SP140: variants seen among roughly 807,000 people sequenced by gnomAD.
SP140 encodes the protein nuclear body protein SP140.
In SP140, 81 loss-of-function variants were observed where a neutral mutation model predicts 125.0. That is an observed-to-expected ratio of 0.65 (90% CI 0.54 to 0.78). The LOEUF (loss-of-function observed/expected upper bound fraction) is 0.78, where lower values mean the gene tolerates loss of function less well. Among genes scored for constraint, SP140 ranks in the 30% least tolerant of loss-of-function variants. The probability of loss-of-function intolerance (pLI) is 0.00; values close to 1 mark genes in which losing one functional copy is unlikely to be tolerated. For missense variants in SP140, 858 were observed against 1,037.0 expected (o/e 0.83, Z 2.37); for synonymous variants, 312 against 354.0 (o/e 0.88, Z 1.33).
chr2:230,222,579 T>C (rs1320684290), upstream of SP140, among the ~76,000 whole-genome samples: 1 of 151,938 alleles, frequency 6.6e-6, no homozygotes, highest in Non-Finnish European at 1.5e-5. Flanking sequence ...TTTAAATTAA[T>C]TGGGCATGTT....
intron 3 of SP140, chr2:230,238,898 TTGG>T: frequency 6.5e-7 from 1 of 1,550,208 alleles, no homozygotes; most frequent in East Asian, 2.4e-5. Context: ...GAAAAGGGGG[TTGG>T]TGGGGGCCTT....
chr2:230,290,413 A>T (rs370668913), intron 18 of SP140, 47 bp from the exon 19 acceptor site: 280 of 1,542,524 alleles, frequency 1.8e-4, no homozygotes, highest in Non-Finnish European at 2.3e-4. Context: ...GGGAGGGGGG[A>T]CGTGCCTTTG....
rs144921207 is a variant in SP140 at position 230,235,340 on chromosome 2, T to C, written c.60-1743T>C. 7.2e-5 allele frequency among the ~76,000 whole-genome samples: 11 copies of C among 152,286 alleles called. No individual in the cohort carries two copies. In the East Asian group the frequency reaches 1.2e-3, roughly 16 times the overall value. On this transcript the variant is annotated intron_variant, in intron 1 of 26. Transcript: ENST00000392045. ...GTACCCCTCAGACCACTTTTTCTCT[T>C]TCATACTTAGGTTAAAATTTCTCAT...
upstream of SP140, among the ~76,000 whole-genome samples, chr2:230,222,135 C>T (rs2045874308): frequency 6.6e-6 from 1 of 150,870 alleles, no homozygotes; most frequent in Admixed American, 6.6e-5. Flanking sequence ...GAGGCTGAGG[C>T]ATGAGAATCG....
At chr2:230,314,433 G>T (rs189015506), downstream of SP140, among the ~76,000 whole-genome samples, 845 of 152,328 alleles carry the variant, frequency 5.5e-3, 4 homozygotes, top group Non-Finnish European at 9.0e-3. Context: ...AGTGGATCCT[G>T]GTCCAGGAAG....
intron 3 of SP140, chr2:230,238,959 A>C (rs2048351887): frequency 2.6e-6 from 4 of 1,526,380 alleles, no homozygotes; most frequent in Non-Finnish European, 3.5e-6. Flanking sequence ...AGGGTGTGAG[A>C]GCTGACTCTG....
chr2:230,251,498 G>A (rs1215479084), intron 10 of SP140, among the ~76,000 whole-genome samples: 1 of 152,064 alleles, frequency 6.6e-6, no homozygotes, highest in African/African-American at 2.4e-5. Context: ...TATGCTAGGA[G>A]GAAAAAATGC....
chr2:230,305,647 G>A (rs1322731894), intron 22 of SP140, among the ~76,000 whole-genome samples: 2 of 152,232 alleles, frequency 1.3e-5, no homozygotes, highest in African/African-American at 4.8e-5. Flanking sequence ...GTGGTGGTTC[G>A]GCACTTGCAC....
the SP140 span, among the ~76,000 whole-genome samples, chr2:230,190,838 G>A: frequency 2.5e-3 from 387 of 152,252 alleles, 1 homozygote; most frequent in African/African-American, 8.6e-3. Flanking sequence ...GCTTGTTTTT[G>A]TCAGGTTTGT....
chr2:230,217,245 C>CAAAAAAAAA (rs6147220), intron 3 of SP140, among the ~76,000 whole-genome samples: 4 of 79,784 alleles, frequency 5.0e-5, no homozygotes, highest in African/African-American at 9.9e-5. Flanking sequence ...GACTCCATCT[C>CAAAAAAAAA]AAAAAAAAAA....
rs201022800 is a variant in SP140, at chr2:230,255,545, G to T, written c.1240+13G>T. The T allele has an allele frequency of 1.2e-6, 2 of 1,611,288 alleles. No individual in the cohort carries two copies. Among genetic ancestry groups the T allele is most frequent in the Non-Finnish European group, 1.7e-6 (2 of 1,179,082 alleles). ...AGACGTGGGTCAGGTAAGGACGGGG[G>T]GGGGGATTTCTGGCCCTGGGCTGCA... On this transcript the variant is annotated intron_variant, in intron 12 of 26. Coordinates refer to ENST00000392045, the MANE Select transcript of SP140 (RefSeq NM_007237.5).
At chr2:230,300,230 C>T (rs1052218655) in intron 22 of SP140, among the ~76,000 whole-genome samples, 4 of 152,220 alleles carry the variant, frequency 2.6e-5, no homozygotes, top group South Asian at 2.1e-4. Context: ...ACGAGAACCA[C>T]CTTGCTCCAG....
At chr2:230,232,759 T>C (rs766947346) in intron 1 of SP140, among the ~76,000 whole-genome samples, 4 of 152,248 alleles carry the variant, frequency 2.6e-5, no homozygotes, top group Non-Finnish European at 5.9e-5. Context: ...TTTGCCAGTT[T>C]TTAAAACTTA....
intron 12 of SP140, among the ~76,000 whole-genome samples, chr2:230,268,543 A>G (rs2053476599): frequency 6.6e-6 from 1 of 152,040 alleles, no homozygotes; most frequent in African/African-American, 2.4e-5. Flanking sequence ...AAAAAAAGAC[A>G]AAAGAAAGGT....
chr2:230,270,444 T>G, intron 14 of SP140, 142 bp from the exon 15 acceptor site: 1 of 862,728 alleles, frequency 1.2e-6, no homozygotes, highest in Non-Finnish European at 1.8e-6. Flanking sequence ...TTCGGTGGGT[T>G]TTTGGTTCCC....
At chr2:230,200,153 A>C (rs1020347831), upstream of SP140, among the ~76,000 whole-genome samples, 4 of 152,224 alleles carry the variant, frequency 2.6e-5, no homozygotes, top group African/African-American at 9.6e-5. Flanking sequence ...GGTAAAATTT[A>C]ATCCATTTTT....
intron 12 of SP140, among the ~76,000 whole-genome samples, chr2:230,256,950 G>A (rs891269265): frequency 2.0e-5 from 3 of 152,162 alleles, no homozygotes; most frequent in Non-Finnish European, 2.9e-5. Context: ...ACTTAGATAG[G>A]GAAGGTGCTG....
intron 16 of SP140, 26 bp from the exon 17 acceptor site, chr2:230,285,726 A>T: frequency 1.3e-6 from 2 of 1,587,940 alleles, no homozygotes; most frequent in Non-Finnish European, 1.7e-6. Context: ...AGTTCTATTA[A>T]TACATTTTCC....
downstream of SP140, among the ~76,000 whole-genome samples, chr2:230,315,745 A>G (rs560339633): frequency 2.0e-5 from 3 of 152,146 alleles, no homozygotes; most frequent in Non-Finnish European, 2.9e-5. Context: ...AGTGCCACCT[A>G]CAAAGACCTG....
Sources: gnomAD v4.1 joint callset for allele counts (sites outside exome capture counted in the v4.1 genomes callset) on GRCh38, gnomAD v4.1.1 for gene constraint, MANE v1.5 for transcripts, NCBI Gene and HGNC (gene_info 2026-07-23, HGNC 2026-07-21) for gene names.